Variants in CNIH3 observed in about 807,000 individuals in gnomAD.
CNIH3 encodes the protein cornichon family AMPA receptor auxiliary protein 3, also known as protein cornichon homolog 3.
Under a neutral mutation model 24.1 loss-of-function variants are expected in CNIH3, and 14 were observed. The ratio of observed to expected loss-of-function variants is 0.58; its 90% CI spans 0.38 to 0.91. The LOEUF is 0.91. Among genes scored for constraint, CNIH3 ranks in the 40% least tolerant of loss-of-function variants. CNIH3 has a pLI of 0.00. For synonymous variants in CNIH3, 68 were observed against 73.8 expected, an observed-to-expected ratio of 0.92 and a Z score of 0.40; for missense variants, 178 against 196.8, an observed-to-expected ratio of 0.90 and a Z score of 0.57.
Position 224,624,169 on chromosome 1 carries a change from C to T in CNIH3, c.81+6914C>T, listed in dbSNP as rs991744258. 2.6e-5 allele frequency among the ~76,000 whole-genome samples: 4 copies of T among 152,346 alleles called. 1 individual carries two copies. The East Asian group carries it at 7.7e-4, about 29-fold the overall frequency. On this transcript the variant is annotated intron_variant, in intron 1 of 5. Transcript: ENST00000272133. ...GTGCCCCCGCCCCTTCTCAGCTCAG[C>T]ACTTGATGAGGACATCAGTGGTCTG... is the stretch of plus-strand genomic sequence containing the variant.
chr1:224,585,993 A>G (rs1465018097), intron 5 of CNIH3, among the ~76,000 whole-genome samples: 2 of 152,230 alleles, frequency 1.3e-5, no homozygotes, highest in Non-Finnish European at 2.9e-5. Flanking sequence ...TTTCCCCTAC[A>G]TGGCAAGAGC....
chr1:224,672,300 T>G (rs1343304431), intron 1 of CNIH3, among the ~76,000 whole-genome samples: 1 of 152,220 alleles, frequency 6.6e-6, no homozygotes, highest in Non-Finnish European at 1.5e-5. Flanking sequence ...TCTTTCATGC[T>G]AACATTTTCA....
At chr1:224,565,248 G>A (rs1027453553) in intron 3 of CNIH3, 24 of 152,156 alleles carry the variant, frequency 1.6e-4, no homozygotes, top group African/African-American at 4.8e-4. Context: ...TATGGTTTAA[G>A]TTCTCATTGC....
At chr1:224,475,026 CAGA>C (rs1033086797) in intron 1 of CNIH3, among the ~76,000 whole-genome samples, 3 of 130,620 alleles carry the variant, frequency 2.3e-5, no homozygotes, top group Admixed American at 1.7e-4. Flanking sequence ...GCCTGAGCGA[CAGA>C]AGGAGACTCC....
At chr1:224,546,339 A>G (rs1158024286) in intron 2 of CNIH3, among the ~76,000 whole-genome samples, 1 of 152,220 alleles carries the variant, frequency 6.6e-6, no homozygotes, top group Non-Finnish European at 1.5e-5. Context: ...CAAAAATGAC[A>G]ATAGAACACA....
chr1:224,520,220 C>T (rs114290027), intron 1 of CNIH3, among the ~76,000 whole-genome samples: 1 of 152,332 alleles, frequency 6.6e-6, no homozygotes, highest in African/African-American at 2.4e-5. Flanking sequence ...AATTTTAGGA[C>T]ACCCTAAATT....
intron 4 of CNIH3, among the ~76,000 whole-genome samples, chr1:224,733,379 C>T (rs966523523): frequency 2.0e-5 from 3 of 152,224 alleles, no homozygotes; most frequent in Non-Finnish European, 2.9e-5. Flanking sequence ...GGGAATAAAA[C>T]CACAGTGACA....
intron 1 of CNIH3, among the ~76,000 whole-genome samples, chr1:224,676,018 T>C (rs1686121323): frequency 6.6e-6 from 1 of 152,362 alleles, no homozygotes; most frequent in East Asian, 1.9e-4. Context: ...TGAAAACTTA[T>C]GTTTAGATAA....
At chr1:224,724,547 A>C (rs954639725) in intron 3 of CNIH3, among the ~76,000 whole-genome samples, 5 of 152,182 alleles carry the variant, frequency 3.3e-5, no homozygotes, top group African/African-American at 1.2e-4. Context: ...TCCCAGAGGG[A>C]TCCTCTGTTT....
intron 3 of CNIH3, among the ~76,000 whole-genome samples, chr1:224,556,663 G>A (rs1330376628): frequency 6.6e-6 from 1 of 152,208 alleles, no homozygotes. Flanking sequence ...TGCATGCGCA[G>A]TTCACGAAAG....
chr1:224,496,332 C>T (rs966745594), intron 1 of CNIH3, among the ~76,000 whole-genome samples: 5 of 152,134 alleles, frequency 3.3e-5, no homozygotes, highest in African/African-American at 9.7e-5. Flanking sequence ...CTGGCTGTCC[C>T]GTGGGCAGAT....
intron 1 of CNIH3, among the ~76,000 whole-genome samples, chr1:224,447,380 G>A (rs1675212066): frequency 6.6e-6 from 1 of 152,182 alleles, no homozygotes; most frequent in Non-Finnish European, 1.5e-5. Flanking sequence ...CTCCAGGAGA[G>A]AGGAAATCCT....
At chr1:224,595,273 T>C (rs912462727) in intron 3 of CNIH3, among the ~76,000 whole-genome samples, 1 of 152,204 alleles carries the variant, frequency 6.6e-6, no homozygotes, top group Non-Finnish European at 1.5e-5. Context: ...CTCAAACTCA[T>C]GGGCTCAAGT....
chr1:224,614,570 G>A (rs1274033835), upstream of CNIH3, among the ~76,000 whole-genome samples: 3 of 152,140 alleles, frequency 2.0e-5, no homozygotes, highest in Admixed American at 6.5e-5. Flanking sequence ...CTAGCAAGGA[G>A]TTTGAGGCTA....
intron 2 of CNIH3, among the ~76,000 whole-genome samples, chr1:224,542,695 G>C (rs75382275): frequency 0.011 from 1,672 of 152,286 alleles, 10 homozygotes; most frequent in Non-Finnish European, 0.017. Flanking sequence ...AGAGAGATTA[G>C]GCAGCCCAAA....
chr1:224,501,510 T>C (rs1435725881), intron 1 of CNIH3, among the ~76,000 whole-genome samples: 2 of 103,600 alleles, frequency 1.9e-5, no homozygotes, highest in African/African-American at 6.5e-5. Flanking sequence ...TGAACCTATA[T>C]ATATATATAT....
At chr1:224,735,429 A>G (rs936167921) in intron 5 of CNIH3, among the ~76,000 whole-genome samples, 2 of 151,926 alleles carry the variant, frequency 1.3e-5, no homozygotes, top group African/African-American at 4.8e-5. Context: ...TCTTTGGCTC[A>G]TCTCTGGGGA....
chr1:224,532,418 T>C (rs1217029500), intron 2 of CNIH3, among the ~76,000 whole-genome samples: 1 of 152,076 alleles, frequency 6.6e-6, no homozygotes, highest in African/African-American at 2.4e-5. Flanking sequence ...AGAGGACCAC[T>C]CTCATAACTG....
intron 3 of CNIH3, among the ~76,000 whole-genome samples, chr1:224,556,028 G>T (rs2124974768): frequency 6.6e-6 from 1 of 152,238 alleles, no homozygotes; most frequent in East Asian, 1.9e-4. Flanking sequence ...GCTGAGGAAG[G>T]GTCGTACATT....
Sources: allele counts gnomAD v4.1 joint callset (sites outside exome capture counted in the v4.1 genomes callset), GRCh38; gene constraint gnomAD v4.1.1; transcripts MANE v1.5; gene names NCBI Gene and HGNC (gene_info 2026-07-23, HGNC 2026-07-21).